The following UHRF2 variants were observed in gnomAD, a reference collection of about 807,000 sequenced individuals.
UHRF2 encodes the protein E3 ubiquitin-protein ligase UHRF2.
A neutral mutation model predicts 96.8 loss-of-function variants in UHRF2; 23 were observed. That is an observed-to-expected ratio of 0.24 (90% CI 0.17 to 0.34). The LOEUF (loss-of-function observed/expected upper bound fraction) is 0.34, where lower values mean the gene tolerates loss of function less well. Ranked by LOEUF, UHRF2 falls within the 10% of genes least tolerant of loss-of-function variation. The pLI is 1.00. For synonymous variants in UHRF2, 385 were observed against 332.6 expected (o/e 1.16, Z -1.72); for missense variants, 685 against 981.5 (o/e 0.70, Z 4.04).
intron 1 of UHRF2, chr9:6,415,640 C>G (rs1819556315): frequency 6.6e-6 from 1 of 152,180 alleles, no homozygotes; most frequent in Non-Finnish European, 1.5e-5. Flanking sequence ...TGAAAAATGT[C>G]ATAAATTGTA....
intron 1 of UHRF2, among the ~76,000 whole-genome samples, chr9:6,416,375 C>T (rs1819600855): frequency 6.6e-6 from 1 of 150,940 alleles, no homozygotes; most frequent in Admixed American, 6.6e-5. Context: ...GCCTTGACTC[C>T]ACATTTGAGG....
chr9:6,441,810 C>G (rs935436264), intron 3 of UHRF2, among the ~76,000 whole-genome samples: 2 of 150,948 alleles, frequency 1.3e-5, no homozygotes, highest in African/African-American at 2.4e-5. Flanking sequence ...ATATTTCATT[C>G]AAGCTAAATG....
At chr9:6,420,036 C>T (rs1348736631) in intron 1 of UHRF2, among the ~76,000 whole-genome samples, 1 of 151,396 alleles carries the variant, frequency 6.6e-6, no homozygotes, top group African/African-American at 2.4e-5. Flanking sequence ...GATGTGAGGC[C>T]CGGAGCCCAG....
chr9:6,475,762 G>C (rs1823531146), intron 5 of UHRF2, among the ~76,000 whole-genome samples: 1 of 151,972 alleles, frequency 6.6e-6, no homozygotes, highest in African/African-American at 2.4e-5. Context: ...ATATATAATA[G>C]TTGTAGATAT....
At chr9:6,500,501 C>G (rs747119200) in intron 13 of UHRF2, 51 bp from the exon 14 acceptor site, 4 of 1,511,606 alleles carry the variant, frequency 2.6e-6, no homozygotes, top group Non-Finnish European at 3.6e-6. Flanking sequence ...TTTCATAGTT[C>G]TGCTTAGAAC....
intron 3 of UHRF2, among the ~76,000 whole-genome samples, chr9:6,451,951 C>T (rs1223634102): frequency 6.6e-6 from 1 of 152,010 alleles, no homozygotes; most frequent in African/African-American, 2.4e-5. Context: ...GTTTACGCTT[C>T]TGTTTTAATA....
At position 6,434,101 on chromosome 9, in the gene UHRF2, G is replaced by A. The variant is rs765637065; in HGVS notation, c.572G>A (p.Ser191Asn). The change falls in exon 3 of 16, where the codon AGT (serine) becomes AAT (asparagine). Residue 191 changes from serine to asparagine, a missense_variant. Physicochemically the swap from Ser to Asn is conservative, Grantham distance 46. Coordinates refer to ENST00000276893, the MANE Select transcript of UHRF2 (RefSeq NM_152896.3). ...AAAGAGAACACAAATAAATTGGACA[G>A]TGTACCCTCTACGTCTAATTCAGAC... ...KSKENTNKLD[S>N]VPSTSNSDCV... 3 of 1,614,110 alleles carry A rather than the reference G, an allele frequency of 1.9e-6. No individual in the cohort carries two copies. Among genetic ancestry groups the A allele is most frequent in the Non-Finnish European group, 2.5e-6 (3 of 1,180,014 alleles).
At chr9:6,491,446 C>T (rs1171438784) in intron 9 of UHRF2, among the ~76,000 whole-genome samples, 2 of 152,166 alleles carry the variant, frequency 1.3e-5, no homozygotes, top group East Asian at 1.9e-4. Context: ...TACAGTTTTG[C>T]AGGGATGTAA....
At chr9:6,462,005 A>C (rs1822571859) in intron 4 of UHRF2, among the ~76,000 whole-genome samples, 1 of 152,036 alleles carries the variant, frequency 6.6e-6, no homozygotes, top group South Asian at 2.1e-4. Context: ...TTTAAAAAAA[A>C]AAAAATAAGA....
At chr9:6,500,319 T>C (rs1389396970) in intron 13 of UHRF2, among the ~76,000 whole-genome samples, 1 of 152,150 alleles carries the variant, frequency 6.6e-6, no homozygotes, top group Admixed American at 6.5e-5. Context: ...GAGACTTAAA[T>C]GAAAGCAAAG....
chr9:6,469,682 A>G (rs192994973), intron 4 of UHRF2, among the ~76,000 whole-genome samples: 72 of 108,248 alleles, frequency 6.7e-4, no homozygotes, highest in Middle Eastern at 9.2e-3. Flanking sequence ...GTGTGTATGT[A>G]TATATATACA....
intron 12 of UHRF2, chr9:6,499,003 T>C (rs1488896421): frequency 1.3e-5 from 2 of 152,208 alleles, no homozygotes; most frequent in Non-Finnish European, 2.9e-5. Flanking sequence ...TTGTTGAAAA[T>C]AAGGCCATCA....
At position 6,467,603 on chromosome 9, in the gene UHRF2, T is replaced by TG. The variant is rs1031440731; in HGVS notation, c.863+6812_863+6813insG. Among the ~76,000 whole-genome samples the TG allele has an allele frequency of 8.1e-4, 122 of 150,744 alleles. 2 individuals carry two copies. Among genetic ancestry groups the TG allele is most frequent in the African/African-American group, 2.8e-3 (113 of 41,068 alleles). ...TAGATTCCGAGAGAATAGTTTTTTT[T>TG]TTTTTTTTTTTTTTGGTATTTTAAC... On this transcript the variant is annotated intron_variant, in intron 4 of 15. Coordinates refer to ENST00000276893, the MANE Select transcript of UHRF2 (RefSeq NM_152896.3).
intron 2 of UHRF2, among the ~76,000 whole-genome samples, chr9:6,427,190 G>T (rs950749538): frequency 3.7e-4 from 56 of 152,046 alleles, no homozygotes; most frequent in African/African-American, 1.3e-3. Context: ...TGAATTCTTG[G>T]TTATGCCACT....
At chr9:6,446,325 T>C (rs1338271845) in intron 3 of UHRF2, among the ~76,000 whole-genome samples, 1 of 151,958 alleles carries the variant, frequency 6.6e-6, no homozygotes, top group Non-Finnish European at 1.5e-5. Flanking sequence ...TAATTTTTAG[T>C]AGAGACAGGG....
chr9:6,471,958 C>T (rs1372353456), intron 4 of UHRF2, among the ~76,000 whole-genome samples: 1 of 152,164 alleles, frequency 6.6e-6, no homozygotes, highest in African/African-American at 2.4e-5. Flanking sequence ...AAGTAAGCTT[C>T]CATGCTGTCT....
At chr9:6,451,310 T>C (rs779827482) in intron 3 of UHRF2, among the ~76,000 whole-genome samples, 5 of 152,336 alleles carry the variant, frequency 3.3e-5, no homozygotes, top group Middle Eastern at 3.4e-3. Flanking sequence ...ATTATGCTTT[T>C]GGTTTTTAGG....
chr9:6,419,539 T>G (rs980553290), intron 1 of UHRF2, among the ~76,000 whole-genome samples: 5 of 152,130 alleles, frequency 3.3e-5, no homozygotes, highest in African/African-American at 1.2e-4. Context: ...ACTTAATGTG[T>G]TTTTTAAAAA....
chr9:6,497,140 T>G (rs1825017257), intron 10 of UHRF2, 58 bp from the exon 11 acceptor site: 1 of 1,516,210 alleles, frequency 6.6e-7, no homozygotes, highest in South Asian at 1.2e-5. Flanking sequence ...AGCTAATGAC[T>G]CGATTGTGTA....
Sources: gnomAD v4.1 joint callset for allele counts (sites outside exome capture counted in the v4.1 genomes callset) on GRCh38, gnomAD v4.1.1 for gene constraint, MANE v1.5 for transcripts, NCBI Gene and HGNC (gene_info 2026-07-23, HGNC 2026-07-21) for gene names.